The following MED12L variants were observed in gnomAD, a reference collection of about 807,000 sequenced individuals.
MED12L encodes mediator complex subunit 12L, also known as mediator of RNA polymerase II transcription subunit 12-like protein.
Under a neutral mutation model 281.3 loss-of-function variants are expected in MED12L, and 60 were observed. That is an observed-to-expected ratio of 0.21 (90% confidence interval 0.17 to 0.26). MED12L has a LOEUF of 0.26. Among genes scored for constraint, MED12L ranks in the 10% least tolerant of loss-of-function variants. The probability of loss-of-function intolerance (pLI) is 1.00; values close to 1 mark genes in which losing one functional copy is unlikely to be tolerated. For missense variants in MED12L, 2,146 were observed against 2,680.9 expected (o/e 0.80, Z 4.41); for synonymous variants, 974 against 987.2 (o/e 0.99, Z 0.25).
intron 16 of MED12L, among the ~76,000 whole-genome samples, chr3:151,287,073 G>A (rs1462190329): frequency 6.6e-6 from 1 of 152,076 alleles, no homozygotes; most frequent in Non-Finnish European, 1.5e-5. Flanking sequence ...AATACAAGTC[G>A]GGTGCTGGTA....
intron 16 of MED12L, among the ~76,000 whole-genome samples, chr3:151,275,600 C>T (rs998160987): frequency 2.0e-5 from 3 of 152,080 alleles, no homozygotes; most frequent in Admixed American, 6.5e-5. Flanking sequence ...CTTGGTGTTT[C>T]GGTGAATTAA....
At chr3:151,209,138 A>T (rs1726785199) in intron 16 of MED12L, among the ~76,000 whole-genome samples, 1 of 152,204 alleles carries the variant, frequency 6.6e-6, no homozygotes, top group East Asian at 1.9e-4. Flanking sequence ...AATACCTGTC[A>T]TATATTTTCC....
At chr3:151,196,886 C>A (rs1175820322) in intron 16 of MED12L, among the ~76,000 whole-genome samples, 1 of 152,180 alleles carries the variant, frequency 6.6e-6, no homozygotes, top group African/African-American at 2.4e-5. Context: ...AGTTTGGAAT[C>A]AAACTTGTTT....
rs532424505 is a variant in MED12L at position 151,162,552 on chromosome 3, C to G, written c.1108-1341C>G. ...CTGCCTCAAGTAAGTGATCCTCCCC[C>G]CTCAGCCTCCTTAGTAGCTAGGACT... On this transcript the variant is annotated intron_variant, in intron 8 of 44. Coordinates refer to ENST00000687756, the MANE Select transcript of MED12L (RefSeq NM_001393769.1). Among the ~76,000 whole-genome samples the G allele has an allele frequency of 7.6e-4, 116 of 151,676 alleles. 1 individual carries two copies. The South Asian group carries it at 0.015, about 19-fold the overall frequency.
chr3:151,395,814 A>G (rs554803162), intron 39 of MED12L, among the ~76,000 whole-genome samples: 48 of 152,352 alleles, frequency 3.2e-4, no homozygotes, highest in Admixed American at 1.5e-3. Context: ...TACTTTCAAC[A>G]TAGCAAGAAA....
intron 8 of MED12L, among the ~76,000 whole-genome samples, chr3:151,161,241 G>A (rs949027837): frequency 6.6e-6 from 1 of 151,678 alleles, no homozygotes; most frequent in African/African-American, 2.4e-5. Flanking sequence ...TTCAGCTTTG[G>A]ACTATTTTGG....
At chr3:151,198,132 CTA>C in intron 16 of MED12L, 1 of 223,696 alleles carries the variant, frequency 4.5e-6, no homozygotes, top group Non-Finnish European at 8.8e-6. Flanking sequence ...ACCTTTGGGT[CTA>C]TGTCATGGAC....
At chr3:151,255,230 G>T (rs1335294854) in intron 16 of MED12L, among the ~76,000 whole-genome samples, 1 of 152,168 alleles carries the variant, frequency 6.6e-6, no homozygotes, top group Non-Finnish European at 1.5e-5. Context: ...AACAGGGGAT[G>T]TGAGAGGGAT....
At chr3:151,316,675 GA>G (rs1748293161) in intron 16 of MED12L, 2 of 152,286 alleles carry the variant, frequency 1.3e-5, no homozygotes, top group South Asian at 4.1e-4. Context: ...AATAAGCTTT[GA>G]AACTAAGGTC....
intron 43 of MED12L, among the ~76,000 whole-genome samples, chr3:151,424,806 T>A (rs1718683170): frequency 6.6e-6 from 1 of 152,182 alleles, no homozygotes; most frequent in African/African-American, 2.4e-5. Flanking sequence ...TACGTTGTTG[T>A]TCCTTCCGCT....
At chr3:151,229,294 ATTC>A (rs1403414135) in intron 16 of MED12L, among the ~76,000 whole-genome samples, 1 of 148,270 alleles carries the variant, frequency 6.7e-6, no homozygotes, top group African/African-American at 2.5e-5. Context: ...TAACTTATAA[ATTC>A]AGCAATTCTT....
At position 151,385,297 on chromosome 3, in the gene MED12L, T is replaced by C. The variant is rs974078851; in HGVS notation, c.5088+106T>C. ...TAAAATATATTAATTTTGCTGTTGA[T>C]GTTTTTAAGGCATATGCTTGTCTTC... On this transcript the variant is annotated intron_variant, in intron 36 of 44. Transcript: ENST00000687756. The C allele has an allele frequency of 1.8e-5, 12 of 653,304 alleles. No homozygotes were observed. In the African/African-American group the frequency reaches 2.1e-4, roughly 11 times the overall value. The allele number at this position is 653,304 out of a possible 1,614,324, so 40.5% of individuals were successfully genotyped here. A position where few individuals can be genotyped will look rare whatever the true frequency, so the allele number is the denominator to read the frequency against.
intron 4 of MED12L, among the ~76,000 whole-genome samples, chr3:151,126,724 TC>T (rs1383862541): frequency 6.6e-6 from 1 of 152,208 alleles, no homozygotes; most frequent in African/African-American, 2.4e-5. Flanking sequence ...AAGGGTCACA[TC>T]CATGGCCTGA....
At chr3:151,421,088 G>A (rs891091338) in intron 43 of MED12L, among the ~76,000 whole-genome samples, 1 of 152,184 alleles carries the variant, frequency 6.6e-6, no homozygotes, top group Non-Finnish European at 1.5e-5. Context: ...TCCTTTATGA[G>A]TGGAAGTCCA....
chr3:151,378,259 A>G (rs1711576136), intron 31 of MED12L, 86 bp downstream of exon 31: 1 of 1,278,212 alleles, frequency 7.8e-7, no homozygotes, highest in African/African-American at 1.5e-5. Context: ...TGGTCACTGT[A>G]CCCACAGTCC....
In MED12L at chr3:151,376,203, C is replaced by T. The variant is rs1756831277; in HGVS notation, c.4042C>T (p.Arg1348Cys). 5 of 1,583,612 alleles carry T rather than the reference C, an allele frequency of 3.2e-6. No homozygotes were observed. Among genetic ancestry groups the T allele is most frequent in the Non-Finnish European group, 4.3e-6 (5 of 1,167,550 alleles). The change falls in exon 28 of 45, where the codon CGT (arginine) becomes TGT (cysteine). Residue 1348 changes from arginine to cysteine, a missense_variant. Around this residue, in one of 9 missense-constraint regions of MED12L, gnomAD observed 235 missense variants for 260.3 expected, o/e 0.90. Transcript: ENST00000687756. The stretch of plus-strand genomic sequence containing the variant: ...CAATCTGCAAAGACAGCACATTAAG[C>T]GTATTCTTCAGGTCAGTCGTATACA... ...GDNLQRQHIK[R>C]ILQNLEQWTL...
In MED12L at chr3:151,295,125, C is replaced by T. The variant is rs563106165; in HGVS notation, c.2251-54934C>T. The T allele has an allele frequency of 1.2e-5, 20 of 1,613,614 alleles. No homozygotes were observed. In the South Asian group the frequency reaches 1.4e-4, roughly 12 times the overall value. On this transcript the variant is annotated intron_variant, in intron 16 of 44. Coordinates refer to ENST00000687756, the MANE Select transcript of MED12L (RefSeq NM_001393769.1). Reference sequence around the variant, plus strand: ...TAAAGCACCGGCAAGACAATTGTGTCAAATTCATTGTGAAGGGTGGTGTTC... The same window carrying T: ...TAAAGCACCGGCAAGACAATTGTGTTAAATTCATTGTGAAGGGTGGTGTTC...
intron 16 of MED12L, among the ~76,000 whole-genome samples, chr3:151,282,446 G>A (rs547867227): frequency 1.1e-4 from 17 of 152,016 alleles, no homozygotes; most frequent in African/African-American, 1.4e-4. Flanking sequence ...CATGGCTGCC[G>A]AAAGGATTCC....
At position 151,383,923 on chromosome 3, in the gene MED12L, A is replaced by G. The variant is rs779201413; in HGVS notation, c.4790+35A>G. The stretch of plus-strand genomic sequence containing the variant: ...TATCACTTCACATTGATTTTGCTAC[A>G]TGTATGCATGGTATAAGCTTTGATA... On this transcript the variant is annotated intron_variant, in intron 34 of 44. Coordinates refer to ENST00000687756, the MANE Select transcript of MED12L (RefSeq NM_001393769.1). The G allele has an allele frequency of 5.8e-6, 9 of 1,562,954 alleles. 1 individual carries two copies. In the South Asian group the frequency reaches 9.0e-5, roughly 16 times the overall value.
Sources: gnomAD v4.1 joint callset for allele counts (sites outside exome capture counted in the v4.1 genomes callset) on GRCh38, gnomAD v4.1.1 for gene constraint, gnomAD v4.1.1 regional missense constraint, MANE v1.5 for transcripts, NCBI Gene and HGNC (gene_info 2026-07-23, HGNC 2026-07-21) for gene names.